The following MIGA1 variants were observed in gnomAD, a reference collection of about 807,000 sequenced individuals.
The protein encoded by MIGA1 is mitoguardin 1.
In MIGA1, 58 loss-of-function variants were observed where a neutral mutation model predicts 82.0. The ratio of observed to expected loss-of-function variants is 0.71; its 90% confidence interval spans 0.57 to 0.88. MIGA1 has a LOEUF of 0.88. MIGA1 is among the 40% of genes least tolerant of loss of function. The pLI is 0.00. For synonymous variants in MIGA1, 249 were observed against 253.6 expected (o/e 0.98, Z 0.17); for missense variants, 751 against 749.1 (o/e 1.00, Z -0.03).
intron 4 of MIGA1, 101 bp downstream of exon 4, chr1:77,803,507 T>C: frequency 2.1e-6 from 1 of 478,234 alleles, no homozygotes; most frequent in Non-Finnish European, 3.4e-6. Context: ...AGTATGGAAA[T>C]ACTCTTAAGA....
chr1:77,803,276 G>A lies in MIGA1; in HGVS notation c.380G>A (p.Ser127Asn). 3 of 1,519,156 alleles carry A rather than the reference G, an allele frequency of 2.0e-6. No homozygotes were observed. Among genetic ancestry groups the A allele is most frequent in the Non-Finnish European group, 2.6e-6 (3 of 1,134,104 alleles). The allele number at this position is 1,519,156 out of a possible 1,614,324, so 94.1% of individuals were successfully genotyped here. Residue 127 changes from serine (S) to asparagine (N), a missense_variant, in exon 4 of 16, where the codon AGT becomes AAT. Around this residue, in one of 3 missense-constraint regions of MIGA1, gnomAD observed 482 missense variants for 439.4 expected, o/e 1.10. Coordinates refer to ENST00000370791, the MANE Select transcript of MIGA1 (RefSeq NM_198549.4). ...TAGTATGTTTATTTGATAGGTTCAA[G>A]TTGTTCCAGTAGCAGACAGAATTTG... is the stretch of plus-strand genomic sequence containing the variant.
intron 2 of MIGA1, among the ~76,000 whole-genome samples, chr1:77,784,388 A>C (rs535230365): frequency 9.2e-5 from 14 of 151,970 alleles, no homozygotes; most frequent in African/African-American, 3.1e-4. Context: ...CCATCTCTCC[A>C]CCAGTTTTTA....
intron 2 of MIGA1, among the ~76,000 whole-genome samples, chr1:77,796,699 C>A (rs756357347): frequency 2.0e-5 from 3 of 152,200 alleles, no homozygotes; most frequent in Non-Finnish European, 2.9e-5. Context: ...TAGGTCAGCG[C>A]CTTTCTTCCT....
chr1:77,786,078 C>G (rs957512196), intron 2 of MIGA1, among the ~76,000 whole-genome samples: 1 of 152,242 alleles, frequency 6.6e-6, no homozygotes, highest in South Asian at 2.1e-4. Context: ...AACTCCAATT[C>G]TTGATTTCTG....
chr1:77,805,155 C>T (rs745751606), intron 4 of MIGA1, among the ~76,000 whole-genome samples: 4 of 151,702 alleles, frequency 2.6e-5, no homozygotes, highest in East Asian at 3.9e-4. Flanking sequence ...CCACCACGCC[C>T]GGCTAATTTT....
Position 77,875,011 on chromosome 1 carries a change from A to C in MIGA1, c.1846A>C (p.Ser616Arg). The change falls in exon 16 of 16, where the codon AGC becomes CGC. Residue 616 changes from serine (S) to arginine (R), a missense_variant. Around this residue, in one of 3 missense-constraint regions of MIGA1, gnomAD observed 265 missense variants for 293.6 expected, o/e 0.90. Coordinates refer to ENST00000370791, the MANE Select transcript of MIGA1 (RefSeq NM_198549.4). ...CCTGAGGCATACAAGTAGTTGTCTA[A>C]GCAGTCATGGTCATGTTATGTCCAC... 1 of 1,614,202 alleles carries C rather than the reference A, an allele frequency of 6.2e-7. No homozygotes were observed. Among genetic ancestry groups the C allele is most frequent in the South Asian group, 1.1e-5 (1 of 91,082 alleles).
chr1:77,819,189 G>C (rs1320182618), intron 7 of MIGA1, among the ~76,000 whole-genome samples: 1 of 151,940 alleles, frequency 6.6e-6, no homozygotes, highest in African/African-American at 2.4e-5. Flanking sequence ...GTGAAGTACA[G>C]AGGCATTAAT....
chr1:77,808,018 C>A (rs556589904), intron 5 of MIGA1, among the ~76,000 whole-genome samples: 2 of 152,050 alleles, frequency 1.3e-5, no homozygotes, highest in South Asian at 4.1e-4. Flanking sequence ...TGGGGTTTCA[C>A]CATGTTAGCC....
chr1:77,831,668 C>A (rs528320155), intron 7 of MIGA1, among the ~76,000 whole-genome samples: 1 of 152,082 alleles, frequency 6.6e-6, no homozygotes, highest in African/African-American at 2.4e-5. Flanking sequence ...CATATCATGA[C>A]GAATGTTTGT....
At chr1:77,793,733 G>A (rs190917767) in intron 2 of MIGA1, among the ~76,000 whole-genome samples, 1 of 151,034 alleles carries the variant, frequency 6.6e-6, no homozygotes, top group East Asian at 1.9e-4. Flanking sequence ...CCAAAGTGCT[G>A]GGATTACAGG....
Position 77,801,243 on chromosome 1 carries a change from A to G in MIGA1, c.196-88A>G, listed in dbSNP as rs1222069014. 7.0e-6 allele frequency: 6 copies of G among 855,238 alleles called. No individual in the cohort carries two copies. In the South Asian group the frequency reaches 8.0e-5, roughly 11 times the overall value. The allele number at this position is 855,238 out of a possible 1,614,324, so 53.0% of individuals were successfully genotyped here. A position where few individuals can be genotyped will look rare whatever the true frequency, so the allele number is the denominator to read the frequency against. On this transcript the variant is annotated intron_variant, in intron 2 of 15. Coordinates refer to ENST00000370791, the MANE Select transcript of MIGA1 (RefSeq NM_198549.4). ...TCTTGATAGTATTTAGAAATAGGTT[A>G]GATTAAGAGTAAGTTTAGTTATTAG...
chr1:77,783,750 CATT>C (rs1000642941), intron 2 of MIGA1, among the ~76,000 whole-genome samples: 1 of 152,198 alleles, frequency 6.6e-6, no homozygotes, highest in Non-Finnish European at 1.5e-5. Flanking sequence ...AGTACATTCA[CATT>C]GTTGTACAAA....
intron 10 of MIGA1, 190 bp from the exon 11 acceptor site, chr1:77,859,850 C>CT (rs1685398656): frequency 4.2e-6 from 2 of 475,116 alleles, no homozygotes; most frequent in South Asian, 4.3e-5. Context: ...TCCCTTTAAT[C>CT]TTTTTTTGAC....
Position 77,875,691 on chromosome 1 carries a change from A to C in MIGA1, c.*627A>C, listed in dbSNP as rs1316504453. On this transcript the variant is annotated 3_prime_UTR_variant, in exon 16 of 16. Transcript: ENST00000370791. The stretch of plus-strand genomic sequence containing the variant: ...TTGCAGTGGCTCATGCCTGTAATAC[A>C]TTGGGAGGCTGAGGCAGGAGGACAG... The C allele has an allele frequency of 6.6e-6, 1 of 152,328 alleles. No homozygotes were observed. Among genetic ancestry groups the C allele is most frequent in the Non-Finnish European group, 1.5e-5 (1 of 68,164 alleles). The allele number at this position is 152,328 out of a possible 1,614,324, so 9.4% of individuals were successfully genotyped here. A position where few individuals can be genotyped will look rare whatever the true frequency, so the allele number is the denominator to read the frequency against.
chr1:77,803,501 TGGAA>T, intron 4 of MIGA1, 95 bp downstream of exon 4: 1 of 492,230 alleles, frequency 2.0e-6, no homozygotes, highest in Non-Finnish European at 3.3e-6. Context: ...GTTCTTAGTA[TGGAA>T]ATACTCTTAA....
At chr1:77,834,174 C>CT (rs373764730) in intron 7 of MIGA1, among the ~76,000 whole-genome samples, 32 of 151,416 alleles carry the variant, frequency 2.1e-4, no homozygotes, top group African/African-American at 6.5e-4. Context: ...TCATATATAA[C>CT]TTTTTTTTTC....
intron 7 of MIGA1, among the ~76,000 whole-genome samples, chr1:77,838,378 C>T (rs1252122228): frequency 2.0e-5 from 3 of 151,744 alleles, no homozygotes; most frequent in Non-Finnish European, 4.4e-5. Flanking sequence ...GAGACAGAGT[C>T]TCACTCTGTC....
At chr1:77,789,372 C>A (rs1336593554) in intron 2 of MIGA1, among the ~76,000 whole-genome samples, 1 of 151,700 alleles carries the variant, frequency 6.6e-6, no homozygotes, top group Non-Finnish European at 1.5e-5. Context: ...ACACACCCAG[C>A]TAATTTTTTT....
Position 77,878,473 on chromosome 1 carries a change from C to T in MIGA1, c.*3409C>T, listed in dbSNP as rs953079722. On this transcript the variant is annotated 3_prime_UTR_variant, in exon 16 of 16. Coordinates refer to ENST00000370791, the MANE Select transcript of MIGA1 (RefSeq NM_198549.4). The stretch of plus-strand genomic sequence containing the variant: ...TTAAAATTGGGTTAAATAGCAAAAG[C>T]AATGTCTTTAAAAATGATTAGTTTA... 12 of 148,562 alleles carry T rather than the reference C, an allele frequency of 8.1e-5. 1 individual carries two copies. In the East Asian group the frequency reaches 2.3e-3, roughly 29 times the overall value. 9.2% of individuals were successfully genotyped at this position (148,562 alleles called of 1,614,324 possible).
Sources: allele counts gnomAD v4.1 joint callset (sites outside exome capture counted in the v4.1 genomes callset), GRCh38; gene constraint gnomAD v4.1.1; regional missense constraint gnomAD v4.1.1; transcripts MANE v1.5; gene names NCBI Gene and HGNC (gene_info 2026-07-23, HGNC 2026-07-21).